Variants in LETM1 observed in about 807,000 individuals in gnomAD.
LETM1 encodes the protein leucine zipper and EF-hand containing transmembrane protein 1, also known as mitochondrial proton/calcium exchanger protein.
LETM1 carries 50 observed loss-of-function variants against 74.5 expected under a neutral mutation model. The observed-to-expected ratio is 0.67, with a 90% CI of 0.53 to 0.85. LETM1 has a LOEUF of 0.85. Among genes scored for constraint, LETM1 ranks in the 40% least tolerant of loss-of-function variants. The pLI, the probability that LETM1 is intolerant of heterozygous loss-of-function variation, is 0.00. For missense variants in LETM1, 824 were observed against 967.8 expected (o/e 0.85, Z 1.97); for synonymous variants, 446 against 407.1 (o/e 1.10, Z -1.15).
intron 1 of LETM1, among the ~76,000 whole-genome samples, chr4:1,851,093 G>A (rs1024014331): frequency 6.6e-6 from 1 of 152,166 alleles, no homozygotes; most frequent in Non-Finnish European, 1.5e-5. Context: ...CATAAAGTCA[G>A]AGTTCATTCG....
rs893211904 is a variant in LETM1, at chr4:1,823,226, G to A, written c.1333-95C>T. On this transcript the variant is annotated intron_variant, in intron 8 of 13. Coordinates refer to ENST00000302787, the MANE Select transcript of LETM1 (RefSeq NM_012318.3). ...TCCTGTGTCCTGTGTCCCCTGCCCC[G>A]TCACCACCTGGGCTTCACACACACA... The A allele has an allele frequency of 2.5e-5, 35 of 1,410,604 alleles. 1 individual carries two copies. The highest frequency in any genetic ancestry group is 1.7e-4 in the South Asian group (12 of 70,548). The allele number at this position is 1,410,604 out of a possible 1,614,324, so 87.4% of individuals were successfully genotyped here. A position where few individuals can be genotyped will look rare whatever the true frequency, so the allele number is the denominator to read the frequency against.
Position 1,813,136 on chromosome 4 carries a change from T to A in LETM1, c.*1288A>T, listed in dbSNP as rs989401675. 2 of 152,400 alleles carry A rather than the reference T, an allele frequency of 1.3e-5. No individual in the cohort carries two copies. Among genetic ancestry groups the A allele is most frequent in the African/African-American group, 4.8e-5 (2 of 41,466 alleles). 9.4% of individuals were successfully genotyped at this position (152,400 alleles called of 1,614,324 possible). The stretch of plus-strand genomic sequence containing the variant: ...AAGCCAACTGTCCCTGCACAAAGGT[T>A]TACAATTGAGAAATATCTCCTGTTC... On this transcript the variant is annotated 3_prime_UTR_variant, in exon 14 of 14. Coordinates refer to ENST00000302787, the MANE Select transcript of LETM1 (RefSeq NM_012318.3).
intron 10 of LETM1, among the ~76,000 whole-genome samples, chr4:1,819,714 GAC>G (rs1711706694): frequency 6.6e-6 from 1 of 152,150 alleles, no homozygotes; most frequent in African/African-American, 2.4e-5. Flanking sequence ...TCTATGAATT[GAC>G]ACGTGTACTG....
chr4:1,833,482 C>T (rs1323015957), intron 5 of LETM1: 1 of 166,774 alleles, frequency 6.0e-6, no homozygotes, highest in Non-Finnish European at 1.3e-5. Context: ...TCCTGTGATC[C>T]TCTCTCTGCC....
chr4:1,853,973 A>AATT (rs535427065), intron 1 of LETM1, among the ~76,000 whole-genome samples: 10 of 152,286 alleles, frequency 6.6e-5, no homozygotes, highest in African/African-American at 2.4e-4. Context: ...ATAAAAAGCT[A>AATT]ATTATTATTA....
At position 1,823,713 on chromosome 4, in the gene LETM1, C is replaced by T. The variant is rs1441635674; in HGVS notation, c.1263G>A (p.Met421Ile). The change falls in exon 8 of 14, where the codon ATG becomes ATA. Residue 421 changes from methionine to isoleucine, a missense_variant. This residue lies in a region of LETM1 where 172 missense variants were observed against 170.7 expected (regional missense o/e 1.01). Coordinates refer to ENST00000302787, the MANE Select transcript of LETM1 (RefSeq NM_012318.3). ...CTGGAGAGAGGGTGTCCGGGAGGTA[C>T]ATGGCCCGGGACAGGATGAGCAGCG... ...PTSLLILSRA[M>I]YLPDTLSPAD... 1.9e-6 allele frequency: 3 copies of T among 1,613,872 alleles called. No individual in the cohort carries two copies. The highest frequency in any genetic ancestry group is 1.3e-5 in the African/African-American group (1 of 75,016).
At chr4:1,825,749 C>T in intron 6 of LETM1, 66 bp from the exon 7 acceptor site, 2 of 1,523,392 alleles carry the variant, frequency 1.3e-6, no homozygotes. Flanking sequence ...TCTGTGTGAA[C>T]ACCCTCCAGA....
intron 1 of LETM1, among the ~76,000 whole-genome samples, chr4:1,849,780 T>C (rs1459589790): frequency 6.6e-6 from 1 of 152,220 alleles, no homozygotes; most frequent in Non-Finnish European, 1.5e-5. Context: ...ACTTTTGGCC[T>C]CGAGCGACCC....
chr4:1,821,001 A>C (rs1711754955), intron 10 of LETM1, among the ~76,000 whole-genome samples: 1 of 152,222 alleles, frequency 6.6e-6, no homozygotes, highest in Non-Finnish European at 1.5e-5. Flanking sequence ...CAGACTGGGC[A>C]ACAGAGTGAG....
intron 9 of LETM1, 21 bp downstream of exon 9, chr4:1,822,967 C>T (rs778890428): frequency 3.1e-5 from 46 of 1,461,864 alleles, no homozygotes; most frequent in South Asian, 1.7e-4. Flanking sequence ...CCACGCGGCA[C>T]GGAGCAGGAC....
At chr4:1,819,554 A>G in intron 10 of LETM1, 82 bp from the exon 11 acceptor site, 1 of 1,469,310 alleles carries the variant, frequency 6.8e-7, no homozygotes, top group East Asian at 2.4e-5. Flanking sequence ...TGCTCTGTTC[A>G]TATTATACGG....
intron 10 of LETM1, among the ~76,000 whole-genome samples, chr4:1,821,823 C>T (rs1711786056): frequency 6.6e-6 from 1 of 152,170 alleles, no homozygotes; most frequent in South Asian, 2.1e-4. Flanking sequence ...GAGGCTCTAC[C>T]TTGAGGGGCC....
intron 6 of LETM1, among the ~76,000 whole-genome samples, chr4:1,827,611 T>C (rs1224592886): frequency 2.3e-5 from 3 of 128,140 alleles, no homozygotes; most frequent in African/African-American, 6.2e-5. Context: ...GGGGGTAAGG[T>C]CACAGATCAA....
intron 2 of LETM1, among the ~76,000 whole-genome samples, chr4:1,846,812 G>C (rs1712896107): frequency 1.3e-5 from 2 of 152,072 alleles, no homozygotes; most frequent in Non-Finnish European, 2.9e-5. Flanking sequence ...AGAAGCCCTG[G>C]GAAAGAAGAG....
rs1198411633 is a variant in LETM1 at position 1,812,317 on chromosome 4, A to G, written c.*2107T>C. Reference sequence around the variant, plus strand: ...GAGGTGGAGCTTGCAGTGAGCCGAGATCGCACCACTGCACTCCAGCCTGGG... The same window carrying G: ...GAGGTGGAGCTTGCAGTGAGCCGAGGTCGCACCACTGCACTCCAGCCTGGG... On this transcript the variant is annotated 3_prime_UTR_variant, in exon 14 of 14. Transcript: ENST00000302787. 1.4e-5 allele frequency: 2 copies of G among 144,424 alleles called. No individual in the cohort carries two copies. The highest frequency in any genetic ancestry group is 5.1e-5 in the African/African-American group (2 of 38,984). The allele number at this position is 144,424 out of a possible 1,614,324, so 8.9% of individuals were successfully genotyped here. A position where few individuals can be genotyped will look rare whatever the true frequency, so the allele number is the denominator to read the frequency against.
chr4:1,831,832 G>A (rs1287912863), intron 6 of LETM1, among the ~76,000 whole-genome samples: 1 of 152,172 alleles, frequency 6.6e-6, no homozygotes, highest in Non-Finnish European at 1.5e-5. Context: ...CCTGCATTCA[G>A]GAAAAACTAA....
Position 1,811,649 on chromosome 4 carries a change from A to T in LETM1, c.*2775T>A, listed in dbSNP as rs1722473641. Reference sequence around the variant, plus strand: ...CTGCCAGCACCGGGACCCACTGCGAACAAAGACAGAGCCGGCTCCCCAGCA... The same window carrying T: ...CTGCCAGCACCGGGACCCACTGCGATCAAAGACAGAGCCGGCTCCCCAGCA... On this transcript the variant is annotated 3_prime_UTR_variant, in exon 14 of 14. Transcript: ENST00000302787. The T allele has an allele frequency of 6.6e-6, 1 of 152,294 alleles. No individual in the cohort carries two copies. The highest frequency in any genetic ancestry group is 1.5e-5 in the Non-Finnish European group (1 of 68,080). 9.4% of individuals were successfully genotyped at this position (152,294 alleles called of 1,614,324 possible).
At chr4:1,848,609 G>A (rs1712961894) in intron 2 of LETM1, among the ~76,000 whole-genome samples, 2 of 150,656 alleles carry the variant, frequency 1.3e-5, no homozygotes, top group Non-Finnish European at 3.0e-5. Flanking sequence ...CCAGCTACTC[G>A]GGAGGTTGAA....
rs576104116 is a variant in LETM1, at chr4:1,836,219, A to AAAATAAAT, written c.738+202_738+209dup. Among the ~76,000 whole-genome samples, 8 of 152,160 alleles carry AAAATAAAT rather than the reference A, an allele frequency of 5.3e-5. No homozygotes were observed. The highest frequency in any genetic ancestry group is 1.4e-4 in the African/African-American group (6 of 41,426). On this transcript the variant is annotated intron_variant, in intron 4 of 13. Coordinates refer to ENST00000302787, the MANE Select transcript of LETM1 (RefSeq NM_012318.3). The surrounding 1 kb of genome is among the most constrained non-coding windows in gnomAD (Gnocchi z 5.8). ...GGTGACAGAGCGAGACCCTGTTTCA[A>AAAATAAAT]AAATAAATAAATAAATAAATAAATA...
Sources: allele counts gnomAD v4.1 joint callset (sites outside exome capture counted in the v4.1 genomes callset), GRCh38; gene constraint gnomAD v4.1.1; regional missense constraint gnomAD v4.1.1; non-coding constraint Gnocchi (gnomAD v3.1); transcripts MANE v1.5; gene names NCBI Gene and HGNC (gene_info 2026-07-23, HGNC 2026-07-21).